Variants in PDZRN3 observed in about 807,000 individuals in gnomAD.
The protein encoded by PDZRN3 is PDZ domain containing ring finger 3, also known as E3 ubiquitin-protein ligase PDZRN3.
A neutral mutation model predicts 85.7 loss-of-function variants in PDZRN3; 38 were observed. That is an observed-to-expected ratio of 0.44 (90% CI 0.34 to 0.58). The LOEUF (loss-of-function observed/expected upper bound fraction) is 0.58, where lower values mean the gene tolerates loss of function less well. Among genes scored for constraint, PDZRN3 ranks in the 20% least tolerant of loss-of-function variants. PDZRN3 has a pLI of 0.01. For missense variants in PDZRN3, 1,629 were observed against 1,506.4 expected (o/e 1.08, Z -1.35); for synonymous variants, 759 against 638.0 (o/e 1.19, Z -2.86).
Position 73,384,845 on chromosome 3 carries a change from G to A in PDZRN3, c.1721C>T (p.Thr574Ile). Residue 574 changes from threonine to isoleucine, a missense_variant, in exon 10 of 10, where the codon ACC becomes ATC. Physicochemically the swap from Thr to Ile is moderately conservative, Grantham distance 89. Transcript: ENST00000263666. ...CTCGTCATTACGGGTGCTCTCGTCG[G>A]TCCGCCCCACACCGCTGTCCTTCTC... is the stretch of plus-strand genomic sequence containing the variant. ...QHEKDSGVGR[T>I]DESTRNDESS... 6.2e-7 allele frequency: 1 copy of A among 1,614,170 alleles called. No individual in the cohort carries two copies. The highest frequency in any genetic ancestry group is 1.1e-5 in the South Asian group (1 of 91,076).
chr3:73,423,740 A>T (rs1453243336), intron 3 of PDZRN3, among the ~76,000 whole-genome samples: 1 of 151,918 alleles, frequency 6.6e-6, no homozygotes, highest in East Asian at 1.9e-4. Flanking sequence ...CAGCCAGCCC[A>T]CTCCGTCTTC....
At chr3:73,499,879 G>A (rs923873395) in intron 3 of PDZRN3, among the ~76,000 whole-genome samples, 2 of 152,184 alleles carry the variant, frequency 1.3e-5, no homozygotes, top group African/African-American at 4.8e-5. Context: ...ACATTATTGT[G>A]ATGATGAAAT....
chr3:73,547,184 T>A (rs1701446448), intron 3 of PDZRN3, among the ~76,000 whole-genome samples: 1 of 152,180 alleles, frequency 6.6e-6, no homozygotes, highest in East Asian at 1.9e-4. Flanking sequence ...CCCCACAACC[T>A]CTCCCTAGCC....
At chr3:73,512,040 G>C (rs1192628990) in intron 3 of PDZRN3, among the ~76,000 whole-genome samples, 1 of 152,188 alleles carries the variant, frequency 6.6e-6, no homozygotes, top group East Asian at 1.9e-4. Flanking sequence ...AAGCAAGTTT[G>C]TTATTGTTGT....
intron 3 of PDZRN3, among the ~76,000 whole-genome samples, chr3:73,491,768 A>C (rs1340741105): frequency 6.6e-6 from 1 of 150,598 alleles, no homozygotes; most frequent in African/African-American, 2.4e-5. Flanking sequence ...GCTAATATTT[A>C]ACTTATTTTT....
At chr3:73,578,085 A>T (rs1702149839) in intron 3 of PDZRN3, among the ~76,000 whole-genome samples, 1 of 152,036 alleles carries the variant, frequency 6.6e-6, no homozygotes, top group Non-Finnish European at 1.5e-5. Context: ...CCTTTTACTA[A>T]ACTCTCTGAT....
At chr3:73,604,696 G>A (rs549430834) in intron 2 of PDZRN3, among the ~76,000 whole-genome samples, 18 of 152,342 alleles carry the variant, frequency 1.2e-4, no homozygotes, top group South Asian at 4.1e-4. Context: ...AAAGAGATCT[G>A]TGTTTACTCT....
At chr3:73,538,610 T>G (rs1704845277) in intron 3 of PDZRN3, among the ~76,000 whole-genome samples, 1 of 152,242 alleles carries the variant, frequency 6.6e-6, no homozygotes, top group Non-Finnish European at 1.5e-5. Flanking sequence ...ATGCTACTCC[T>G]CATTTAGAGT....
chr3:73,473,390 T>C (rs1703386083), intron 3 of PDZRN3, among the ~76,000 whole-genome samples: 1 of 152,090 alleles, frequency 6.6e-6, no homozygotes, highest in South Asian at 2.1e-4. Context: ...ATTGACATTT[T>C]GATGGGTTCT....
At chr3:73,396,694 C>A (rs1351141631) in intron 5 of PDZRN3, among the ~76,000 whole-genome samples, 3 of 151,566 alleles carry the variant, frequency 2.0e-5, no homozygotes, top group Non-Finnish European at 4.4e-5. Context: ...ACAGGTGACA[C>A]ATCCTGAGAA....
intron 7 of PDZRN3, 67 bp from the exon 8 acceptor site, chr3:73,388,136 C>A: frequency 1.3e-6 from 1 of 768,736 alleles, no homozygotes; most frequent in South Asian, 1.9e-5. Context: ...GGTGCAAAAT[C>A]ATTCTATTTT....
chr3:73,463,243 A>G (rs1703144698), intron 3 of PDZRN3, among the ~76,000 whole-genome samples: 1 of 152,206 alleles, frequency 6.6e-6, no homozygotes, highest in South Asian at 2.1e-4. Context: ...AGGATTACCC[A>G]AAGCATGAAA....
At chr3:73,501,227 G>A (rs555660939) in intron 3 of PDZRN3, among the ~76,000 whole-genome samples, 1 of 152,304 alleles carries the variant, frequency 6.6e-6, no homozygotes, top group South Asian at 2.1e-4. Flanking sequence ...TTCCCCACTT[G>A]TTTTCCACCT....
chr3:73,384,823 G>A lies in PDZRN3; in HGVS notation c.1743C>T (p.Asp581=), dbSNP rs372613043. The A allele has an allele frequency of 9.9e-6, 16 of 1,613,976 alleles. No homozygotes were observed. Among genetic ancestry groups the A allele is most frequent in the African/African-American group, 9.3e-5 (7 of 74,956 alleles). The change falls in exon 10 of 10, where the codon GAC becomes GAT. Residue 581 remains aspartate, a synonymous_variant. Transcript: ENST00000263666. ...CATTGTTCTCTTGCTCCGAGCTCTC[G>A]TCATTACGGGTGCTCTCGTCGGTCC... ...VGRTDESTRN[D]ESSEQENNGD...
chr3:73,584,981 A>G (rs1029829234), intron 3 of PDZRN3, among the ~76,000 whole-genome samples: 1 of 152,212 alleles, frequency 6.6e-6, no homozygotes, highest in East Asian at 1.9e-4. Flanking sequence ...ATCTTTAAAA[A>G]AATTTTTTTT....
chr3:73,563,006 TATATA>T (rs1559739715), intron 3 of PDZRN3, among the ~76,000 whole-genome samples: 10 of 40,412 alleles, frequency 2.5e-4, no homozygotes, highest in South Asian at 1.1e-3. Context: ...TATATATATA[TATATA>T]TATTTTTTTT....
At chr3:73,506,222 G>A (rs1026101214) in intron 3 of PDZRN3, among the ~76,000 whole-genome samples, 4 of 152,152 alleles carry the variant, frequency 2.6e-5, no homozygotes, top group African/African-American at 9.7e-5. Context: ...CCCCAGGGCT[G>A]GTCAGGTTGA....
intron 3 of PDZRN3, among the ~76,000 whole-genome samples, chr3:73,563,003 ATATATATATATTTT>A (rs1485440775): frequency 1.3e-4 from 5 of 37,128 alleles, no homozygotes; most frequent in South Asian, 2.3e-3. Flanking sequence ...ATATATATAT[ATATATATATATTTT>A]TTTTTTTTTT....
rs1309345432 is a variant in PDZRN3 at position 73,384,430 on chromosome 3, C to T, written c.2136G>A (p.Lys712=). ...IVRAHKMQQL[K]EQYRESWMLH... is the part of the protein sequence containing the mutation. ...GCATCCAGGACTCGCGGTACTGCTC[C>T]TTGAGCTGCTGCATCTTGTGGGCGC... The change falls in exon 10 of 10, where the codon AAG becomes AAA. Residue 712 remains lysine (K), a synonymous_variant. Transcript: ENST00000263666. The T allele has an allele frequency of 1.2e-6, 2 of 1,611,432 alleles. No homozygotes were observed. Among genetic ancestry groups the T allele is most frequent in the South Asian group, 2.2e-5 (2 of 91,082 alleles).
Sources: gnomAD v4.1 joint callset for allele counts (sites outside exome capture counted in the v4.1 genomes callset) on GRCh38, gnomAD v4.1.1 for gene constraint, MANE v1.5 for transcripts, NCBI Gene and HGNC (gene_info 2026-07-23, HGNC 2026-07-21) for gene names.